Variants in CSE1L observed in about 807,000 individuals in gnomAD.
The protein encoded by CSE1L is chromosome segregation 1 like.
A neutral mutation model predicts 120.4 loss-of-function variants in CSE1L; 24 were observed. That is an observed-to-expected ratio of 0.20 (90% CI 0.14 to 0.28). The LOEUF (loss-of-function observed/expected upper bound fraction) is 0.28. CSE1L is among the 10% of genes least tolerant of loss of function. The probability of loss-of-function intolerance (pLI) is 1.00; values close to 1 mark genes in which losing one functional copy is unlikely to be tolerated. For missense variants in CSE1L, 830 were observed against 1,145.2 expected, an observed-to-expected ratio of 0.72 and a Z score of 3.97; for synonymous variants, 402 against 398.3, an observed-to-expected ratio of 1.01 and a Z score of -0.11.
Position 49,063,242 on chromosome 20 carries a change from T to C in CSE1L, c.126T>C (p.Tyr42=), listed in dbSNP as rs372846963. Residue 42 remains tyrosine (Y), a synonymous_variant, in exon 3 of 25, where the codon TAT becomes TAC. Transcript: ENST00000262982. ...FLESVEGNQN[Y]PLLLLTLLEK... is the part of the protein sequence containing the mutation. ...AATCTGTTGAAGGAAATCAGAATTA[T>C]CCACTGTTGCTTTTGACATTACTGG... 11 of 1,595,824 alleles carry C rather than the reference T, an allele frequency of 6.9e-6. No individual in the cohort carries two copies. In the African/African-American group the frequency reaches 1.4e-4, roughly 20 times the overall value.
intron 3 of CSE1L, among the ~76,000 whole-genome samples, chr20:49,063,929 C>A (rs1008782656): frequency 6.6e-6 from 1 of 152,134 alleles, no homozygotes; most frequent in African/African-American, 2.4e-5. Flanking sequence ...GAGATTAAAC[C>A]TATTTTATAA....
chr20:49,086,359 CTTTTT>C (rs10648977), intron 16 of CSE1L, among the ~76,000 whole-genome samples: 1,261 of 77,632 alleles, frequency 0.016, 5 homozygotes, highest in Middle Eastern at 0.031. Context: ...GTTTAATGTC[CTTTTT>C]TTTTTTTTTT....
At chr20:49,068,317 G>T (rs1029338237) in intron 6 of CSE1L, among the ~76,000 whole-genome samples, 12 of 152,150 alleles carry the variant, frequency 7.9e-5, no homozygotes, top group African/African-American at 2.7e-4. Context: ...GGCTGGGCAT[G>T]GTGGCTCACG....
intron 2 of CSE1L, among the ~76,000 whole-genome samples, chr20:49,059,537 G>A (rs1190788248): frequency 1.3e-5 from 2 of 152,100 alleles, no homozygotes; most frequent in African/African-American, 2.4e-5. Context: ...TGAAAAATAA[G>A]GATATTTATA....
Position 49,087,990 on chromosome 20 carries a change from CTGTTTTTGT to C in CSE1L, c.1724-18_1724-10del. ...TTTAACTAAACTCTATTTGTTTTTG[CTGTTTTTGT>C]ATTTTACAGCTATCATGAGAAGTTT... On this transcript the variant is annotated splice_polypyrimidine_tract_variant and intron_variant, in intron 16 of 24. Transcript: ENST00000262982. 1 of 1,454,536 alleles carries C rather than the reference CTGTTTTTGT, an allele frequency of 6.9e-7. No individual in the cohort carries two copies. The highest frequency in any genetic ancestry group is 9.4e-7 in the Non-Finnish European group (1 of 1,062,068). The allele number at this position is 1,454,536 out of a possible 1,614,324, so 90.1% of individuals were successfully genotyped here.
intron 2 of CSE1L, among the ~76,000 whole-genome samples, chr20:49,059,246 TTTAA>T (rs1179677605): frequency 1.3e-5 from 2 of 152,142 alleles, no homozygotes; most frequent in African/African-American, 4.8e-5. Context: ...GTCTCTTAAT[TTTAA>T]TTTTCTATTG....
At chr20:49,047,224 C>T (rs910180143) in intron 1 of CSE1L, among the ~76,000 whole-genome samples, 1 of 152,092 alleles carries the variant, frequency 6.6e-6, no homozygotes, top group Admixed American at 6.6e-5. Context: ...ACTGAGCCTC[C>T]ATTTCCTTAG....
intron 3 of CSE1L, 55 bp from the exon 4 acceptor site, chr20:49,066,137 T>C (rs1247939514): frequency 1.4e-6 from 2 of 1,386,140 alleles, no homozygotes; most frequent in Non-Finnish European, 2.0e-6. Context: ...CCTAAAATCA[T>C]GTGGACATGA....
intron 8 of CSE1L, among the ~76,000 whole-genome samples, chr20:49,071,566 T>C: frequency 6.6e-6 from 1 of 152,134 alleles, no homozygotes; most frequent in Non-Finnish European, 1.5e-5. Flanking sequence ...TTACTGCAGC[T>C]TCGACCTCCC....
chr20:49,046,663 C>T (rs915205183), intron 1 of CSE1L, among the ~76,000 whole-genome samples: 2 of 152,244 alleles, frequency 1.3e-5, no homozygotes, highest in Non-Finnish European at 2.9e-5. Context: ...GACCCCAGGG[C>T]CTGTGAGGGC....
At chr20:49,051,344 A>G (rs1490259886) in intron 1 of CSE1L, among the ~76,000 whole-genome samples, 1 of 152,170 alleles carries the variant, frequency 6.6e-6, no homozygotes, top group Non-Finnish European at 1.5e-5. Flanking sequence ...CAAGAGTTTG[A>G]GATTAGCCTG....
chr20:49,086,152 T>C (rs942835267), intron 16 of CSE1L, among the ~76,000 whole-genome samples: 3 of 152,084 alleles, frequency 2.0e-5, no homozygotes, highest in African/African-American at 7.2e-5. Flanking sequence ...CAGCTCTGAA[T>C]TTAGAGATAG....
At chr20:49,080,897 T>C (rs2145739024) in intron 14 of CSE1L, among the ~76,000 whole-genome samples, 1 of 152,176 alleles carries the variant, frequency 6.6e-6, no homozygotes, top group South Asian at 2.1e-4. Flanking sequence ...TGCCTAAGCC[T>C]CCCTGAGTAG....
chr20:49,054,669 C>T (rs2091793201), intron 1 of CSE1L, among the ~76,000 whole-genome samples: 1 of 152,128 alleles, frequency 6.6e-6, no homozygotes, highest in African/African-American at 2.4e-5. Flanking sequence ...GTGACACTTC[C>T]CCCATTCTGC....
chr20:49,068,661 C>G (rs1190431282), intron 6 of CSE1L, 54 bp from the exon 7 acceptor site: 2 of 1,153,812 alleles, frequency 1.7e-6, no homozygotes, highest in African/African-American at 3.1e-5. Flanking sequence ...TCACTAAGAT[C>G]AGCATGCTGG....
Position 49,096,511 on chromosome 20 carries a change from A to G in CSE1L, c.*73A>G. The G allele has an allele frequency of 8.9e-7, 1 of 1,126,656 alleles. No homozygotes were observed. The highest frequency in any genetic ancestry group is 2.4e-5 in the East Asian group (1 of 42,276). 69.8% of individuals were successfully genotyped at this position (1,126,656 alleles called of 1,614,324 possible). A position where few individuals can be genotyped will look rare whatever the true frequency, so the allele number is the denominator to read the frequency against. On this transcript the variant is annotated 3_prime_UTR_variant, in exon 25 of 25. Coordinates refer to ENST00000262982, the MANE Select transcript of CSE1L (RefSeq NM_001316.4). ...ACAGGCTTCTGAGCACAGCTGCATT[A>G]AAACAAAGGAAGTTCTCCTTTTGAA... is the stretch of plus-strand genomic sequence containing the variant.
At chr20:49,077,200 C>T (rs534539964) in intron 13 of CSE1L, 136 bp downstream of exon 13, 84 of 543,066 alleles carry the variant, frequency 1.5e-4, no homozygotes, top group Non-Finnish European at 2.4e-4. Flanking sequence ...TACTCTGTTA[C>T]CCAGGCTGGA....
chr20:49,089,189 T>A (rs991008529), intron 17 of CSE1L, 58 bp from the exon 18 acceptor site: 1 of 1,366,044 alleles, frequency 7.3e-7, no homozygotes, highest in African/African-American at 1.5e-5. Flanking sequence ...TTAAATGTGT[T>A]TTATAAAGGT....
At chr20:49,064,334 A>G (rs2091874715) in intron 3 of CSE1L, among the ~76,000 whole-genome samples, 1 of 152,260 alleles carries the variant, frequency 6.6e-6, no homozygotes, top group Non-Finnish European at 1.5e-5. Context: ...TTAGAGTCTT[A>G]CTTTTTTTCT....
Sources: allele counts gnomAD v4.1 joint callset (sites outside exome capture counted in the v4.1 genomes callset), GRCh38; gene constraint gnomAD v4.1.1; transcripts MANE v1.5; gene names NCBI Gene and HGNC (gene_info 2026-07-23, HGNC 2026-07-21).